Variants in CFAP92 observed in about 807,000 individuals in gnomAD.
The protein encoded by CFAP92 is cilia and flagella associated protein 92 (putative).
A neutral mutation model predicts 106.3 loss-of-function variants in CFAP92; 86 were observed. The ratio of observed to expected loss-of-function variants is 0.81; its 90% CI spans 0.68 to 0.97. The LOEUF is 0.97. Ranked by LOEUF, CFAP92 falls within the 50% of genes least tolerant of loss-of-function variation. The probability of loss-of-function intolerance (pLI) is 0.00; values close to 1 mark genes in which losing one functional copy is unlikely to be tolerated. For missense variants in CFAP92, 1,204 were observed against 1,283.8 expected (o/e 0.94, Z 0.95); for synonymous variants, 477 against 506.4 (o/e 0.94, Z 0.78).
the CFAP92 span, among the ~76,000 whole-genome samples, chr3:129,026,070 A>G: frequency 6.6e-6 from 1 of 152,330 alleles, no homozygotes; most frequent in East Asian, 1.9e-4. Context: ...CTGTAAATGG[A>G]GATAATGACC....
chr3:128,941,361 C>A (rs1939605203), intron 10 of CFAP92, among the ~76,000 whole-genome samples: 1 of 149,662 alleles, frequency 6.7e-6, no homozygotes, highest in Admixed American at 6.6e-5. Flanking sequence ...ATATCAATGT[C>A]TGCAACAACT....
chr3:129,021,794 T>G, the CFAP92 span, among the ~76,000 whole-genome samples: 1 of 152,236 alleles, frequency 6.6e-6, no homozygotes, highest in African/African-American at 2.4e-5. Flanking sequence ...GAAAATTTCA[T>G]TGTTTGTGAG....
chr3:128,918,673 A>C (rs1937016262), intron 12 of CFAP92, among the ~76,000 whole-genome samples: 1 of 152,212 alleles, frequency 6.6e-6, no homozygotes, highest in Admixed American at 6.5e-5. Context: ...GTAGGAGATG[A>C]GATAAAAGGG....
At position 129,001,244 on chromosome 3, in the gene CFAP92, G is replaced by A. The variant is rs189678933; in HGVS notation, n.117+1330C>T. Among the ~76,000 whole-genome samples, 628 of 152,344 alleles carry A rather than the reference G, an allele frequency of 4.1e-3. 2 individuals are homozygous for A. Among genetic ancestry groups the A allele is most frequent in the Non-Finnish European group, 7.8e-3 (530 of 68,030 alleles). ...TCGGAGCGAACTCTCCGCGCCAGGC[G>A]GGCGGGGCGGAGGGAGGAGGGAGTT... On this transcript the variant is annotated intron_variant and non_coding_transcript_variant, in intron 1 of 4. Coordinates refer to the CFAP92 transcript ENST00000510149.
At chr3:129,022,456 A>G in the CFAP92 span, among the ~76,000 whole-genome samples, 5 of 152,198 alleles carry the variant, frequency 3.3e-5, no homozygotes, top group Non-Finnish European at 1.5e-5. Context: ...AGGAGTGGCC[A>G]GGACAGCGGA....
intron 1 of CFAP92, among the ~76,000 whole-genome samples, chr3:129,001,324 G>A (rs2107842136): frequency 6.6e-6 from 1 of 152,364 alleles, no homozygotes; most frequent in East Asian, 1.9e-4. Context: ...AACGCCCCGT[G>A]AGTGAGGAGA....
At chr3:128,938,735 G>A (rs1033498276) in intron 10 of CFAP92, among the ~76,000 whole-genome samples, 1 of 151,738 alleles carries the variant, frequency 6.6e-6, no homozygotes, top group African/African-American at 2.4e-5. Context: ...CTGGTGATCC[G>A]CCCGCCTCAG....
chr3:128,994,207 C>T (rs1944394565), upstream of CFAP92: 1 of 947,230 alleles, frequency 1.1e-6, no homozygotes, highest in South Asian at 4.9e-5. Context: ...CCCCCTCAGC[C>T]ACTGCGCGCA....
chr3:128,937,384 G>A (rs1187005096), intron 10 of CFAP92, among the ~76,000 whole-genome samples: 3 of 151,776 alleles, frequency 2.0e-5, no homozygotes, highest in Admixed American at 6.6e-5. Context: ...AGGCCGAGGT[G>A]GGCAGATCAC....
At chr3:128,960,171 G>A (rs1034756252) in intron 9 of CFAP92, among the ~76,000 whole-genome samples, 6 of 152,128 alleles carry the variant, frequency 3.9e-5, no homozygotes, top group East Asian at 1.9e-4. Context: ...GACTCAGCCC[G>A]CCTGCACCCA....
chr3:128,944,176 G>A, intron 10 of CFAP92, among the ~76,000 whole-genome samples: 1 of 151,072 alleles, frequency 6.6e-6, no homozygotes, highest in East Asian at 2.0e-4. Flanking sequence ...GTGATTCCAG[G>A]ATCACCTTAG....
intron 9 of CFAP92, among the ~76,000 whole-genome samples, chr3:128,951,421 T>TA (rs1553750077): frequency 6.6e-6 from 1 of 152,184 alleles, no homozygotes; most frequent in Non-Finnish European, 1.5e-5. Context: ...AAAATACACT[T>TA]ACAGAGTTCC....
At chr3:129,003,823 C>A, upstream of CFAP92, 1 of 1,465,946 alleles carries the variant, frequency 6.8e-7, no homozygotes, top group Non-Finnish European at 9.0e-7. Context: ...AGGCGAGCAC[C>A]CACGAGATGG....
intron 9 of CFAP92, among the ~76,000 whole-genome samples, chr3:128,958,036 T>A (rs1361601269): frequency 6.6e-6 from 1 of 152,182 alleles, no homozygotes; most frequent in Admixed American, 6.5e-5. Context: ...TGTGTCACTT[T>A]GCATAGTCTT....
intron 12 of CFAP92, 66 bp from the exon 13 acceptor site, chr3:128,916,337 G>T: frequency 9.5e-7 from 1 of 1,048,272 alleles, no homozygotes; most frequent in Non-Finnish European, 1.2e-6. Context: ...CAGCTCATAT[G>T]CAGTGAGATG....
intron 9 of CFAP92, among the ~76,000 whole-genome samples, chr3:128,956,758 T>A (rs1941458132): frequency 1.3e-5 from 2 of 151,854 alleles, no homozygotes; most frequent in African/African-American, 4.8e-5. Context: ...GGTGCGTGCA[T>A]CACCTGAGGT....
chr3:128,999,941 ATCT>A (rs972863327), intron 1 of CFAP92, among the ~76,000 whole-genome samples: 2 of 152,358 alleles, frequency 1.3e-5, no homozygotes, highest in African/African-American at 4.8e-5. Context: ...GAATCCCTCC[ATCT>A]TCTTCTGTGC....
At position 128,915,310 on chromosome 3, in the gene CFAP92, A is replaced by G. The variant is rs955558991; in HGVS notation, c.3124-35T>C. 12 of 1,535,900 alleles carry G rather than the reference A, an allele frequency of 7.8e-6. No individual in the cohort carries two copies. The African/African-American group carries it at 1.5e-4, about 19-fold the overall frequency. On this transcript the variant is annotated intron_variant, in intron 14 of 15. Coordinates refer to ENST00000645291, the MANE Select transcript of CFAP92 (RefSeq NM_001394090.1). ...GGGAGTAAGTAAATCAGGAGGAGAAAGGTCCCTATGGACACCCCACCTGAG... is the reference window on the plus strand; with the variant it reads ...GGGAGTAAGTAAATCAGGAGGAGAAGGGTCCCTATGGACACCCCACCTGAG...
chr3:128,923,910 C>T (rs530430918), intron 12 of CFAP92, among the ~76,000 whole-genome samples: 1 of 152,274 alleles, frequency 6.6e-6, no homozygotes, highest in East Asian at 1.9e-4. Flanking sequence ...ATATTTTGAA[C>T]AAGACAGCCA....
Sources: allele counts gnomAD v4.1 joint callset (sites outside exome capture counted in the v4.1 genomes callset), GRCh38; gene constraint gnomAD v4.1.1; transcripts MANE v1.5; gene names NCBI Gene and HGNC (gene_info 2026-07-23, HGNC 2026-07-21).